The following C16orf96 variants were observed in gnomAD, a reference collection of about 807,000 sequenced individuals.
The protein encoded by C16orf96 is uncharacterized protein C16orf96.
In C16orf96, 108 loss-of-function variants were observed where a neutral mutation model predicts 103.6. The ratio of observed to expected loss-of-function variants is 1.04; its 90% CI spans 0.89 to 1.22. C16orf96 has a LOEUF of 1.22. C16orf96 is among the 50% of genes most tolerant of loss of function. The pLI, the probability that C16orf96 is intolerant of heterozygous loss-of-function variation, is 0.00. For missense variants in C16orf96, 1,586 were observed against 1,464.2 expected (o/e 1.08, Z -1.36); for synonymous variants, 566 against 593.5 (o/e 0.95, Z 0.67).
the C16orf96 span, among the ~76,000 whole-genome samples, chr16:4,544,295 C>T: frequency 2.8e-3 from 430 of 152,274 alleles, 6 homozygotes; most frequent in African/African-American, 9.8e-3. Context: ...CACCACTTCA[C>T]GGCCCTCTCC....
intron 9 of C16orf96, among the ~76,000 whole-genome samples, chr16:4,590,331 G>T (rs1400977297): frequency 1.3e-5 from 2 of 151,876 alleles, no homozygotes; most frequent in East Asian, 1.9e-4. Flanking sequence ...GGCAGAGATG[G>T]GTGGATCACT....
At chr16:4,573,166 G>C (rs180850757) in intron 2 of C16orf96, among the ~76,000 whole-genome samples, 9 of 152,182 alleles carry the variant, frequency 5.9e-5, no homozygotes, top group African/African-American at 1.9e-4. Context: ...GGCGGGGCCT[G>C]GTGTCTCACG....
rs558135189 is a variant in C16orf96, at chr16:4,574,930, C to T, written c.607-42C>T. On this transcript the variant is annotated intron_variant, in intron 3 of 15. Coordinates refer to ENST00000444310, the MANE Select transcript of C16orf96 (RefSeq NM_001145011.2). The stretch of plus-strand genomic sequence containing the variant: ...TTTGCAGGTGTGGGGGACACTGCCC[C>T]CTCCAGGCTCACAGCCCTCATTTTC... 4.7e-5 allele frequency: 72 copies of T among 1,540,380 alleles called. No individual in the cohort carries two copies. The South Asian group carries it at 7.5e-4, about 16-fold the overall frequency.
intron 1 of C16orf96, among the ~76,000 whole-genome samples, chr16:4,566,374 G>C (rs140594985): frequency 2.0e-5 from 3 of 152,284 alleles, no homozygotes; most frequent in South Asian, 2.1e-4. Flanking sequence ...CCATCCTACA[G>C]AGTTTGAAGT....
chr16:4,600,013 T>C (rs1897249969), intron 15 of C16orf96, 87 bp from the exon 16 acceptor site: 1 of 1,306,652 alleles, frequency 7.7e-7, no homozygotes, highest in African/African-American at 1.5e-5. Flanking sequence ...GGGCTTCTCT[T>C]CTCTTTAGTG....
At chr16:4,560,321 C>T (rs779419735) in intron 1 of C16orf96, 2 of 152,206 alleles carry the variant, frequency 1.3e-5, no homozygotes, top group Non-Finnish European at 2.9e-5. Flanking sequence ...TCTGCCTCAG[C>T]CTCCCAAGTA....
chr16:4,580,313 C>A (rs559151293), intron 7 of C16orf96, among the ~76,000 whole-genome samples, 188 bp downstream of exon 7: 15 of 122,968 alleles, frequency 1.2e-4, no homozygotes, highest in East Asian at 1.0e-3. Context: ...TCCCACCACC[C>A]CCCCCCACCC....
chr16:4,566,255 A>G (rs1179834529), intron 1 of C16orf96, among the ~76,000 whole-genome samples: 1 of 152,224 alleles, frequency 6.6e-6, no homozygotes, highest in Non-Finnish European at 1.5e-5. Context: ...AGGAACTGCC[A>G]CACTGACTTC....
chr16:4,582,423 C>T (rs990102057), intron 7 of C16orf96, among the ~76,000 whole-genome samples: 26 of 152,106 alleles, frequency 1.7e-4, no homozygotes, highest in Non-Finnish European at 3.4e-4. Context: ...CCAAGGAAAC[C>T]CATGGCGTAT....
At position 4,556,610 on chromosome 16, in the gene C16orf96, G is replaced by C. The variant is rs376310528; in HGVS notation, c.121G>C (p.Glu41Gln). 6.4e-7 allele frequency: 1 copy of C among 1,551,686 alleles called. No individual in the cohort carries two copies. The highest frequency in any genetic ancestry group is 8.7e-7 in the Non-Finnish European group (1 of 1,147,004). The change falls in exon 1 of 16, where the codon GAG (glutamate) becomes CAG (glutamine). Residue 41 changes from glutamate (E) to glutamine (Q), a missense_variant. Transcript: ENST00000444310. ...CATCTTGGAGCACATCCACATGGCC[G>C]AGCTCAAGAAAGTCCTCTCAGGCGA... ...HGILEHIHMA[E>Q]LKKVLSGDED... is the part of the protein sequence containing the mutation.
At chr16:4,578,101 C>G (rs1236660847) in intron 5 of C16orf96, among the ~76,000 whole-genome samples, 2 of 152,080 alleles carry the variant, frequency 1.3e-5, no homozygotes, top group African/African-American at 2.4e-5. Context: ...CAGAGTGAGA[C>G]CTTGTCTCCA....
intron 8 of C16orf96, among the ~76,000 whole-genome samples, chr16:4,587,544 A>G (rs1326682214): frequency 6.6e-6 from 1 of 150,452 alleles, no homozygotes; most frequent in African/African-American, 2.4e-5. Context: ...AAAAAAAAAA[A>G]AAAAGAAAGA....
At chr16:4,575,082 T>C in intron 4 of C16orf96, 24 bp downstream of exon 4, 2 of 1,550,862 alleles carry the variant, frequency 1.3e-6, no homozygotes, top group Non-Finnish European at 1.7e-6. Context: ...GAAGGGGAGG[T>C]TAGCAGGAAG....
chr16:4,599,102 G>GAAA (rs60960622), intron 14 of C16orf96, among the ~76,000 whole-genome samples, 182 bp from the exon 15 acceptor site: 1 of 106,430 alleles, frequency 9.4e-6, no homozygotes, highest in Non-Finnish European at 2.0e-5. Flanking sequence ...CCTGCCTCAA[G>GAAA]AAAAAAAAAA....
chr16:4,539,831 A>T, the C16orf96 span, among the ~76,000 whole-genome samples: 1 of 152,170 alleles, frequency 6.6e-6, no homozygotes, highest in Non-Finnish European at 1.5e-5. Flanking sequence ...CTGACCCTGC[A>T]GTCTGATGCA....
At chr16:4,577,959 A>C (rs1447503312) in intron 5 of C16orf96, among the ~76,000 whole-genome samples, 3 of 152,018 alleles carry the variant, frequency 2.0e-5, no homozygotes, top group Admixed American at 1.3e-4. Flanking sequence ...CAAAACAAAA[A>C]AAAAAGCCTG....
chr16:4,550,609 T>C, the C16orf96 span, among the ~76,000 whole-genome samples: 2 of 152,108 alleles, frequency 1.3e-5, no homozygotes, highest in Non-Finnish European at 2.9e-5. Context: ...TCTCCTCACC[T>C]CCCTTCATCT....
chr16:4,575,206 G>A lies in C16orf96; in HGVS notation c.726G>A (p.Gln242=). The A allele has an allele frequency of 6.5e-7, 1 of 1,547,180 alleles. No individual in the cohort carries two copies. Among genetic ancestry groups the A allele is most frequent in the Non-Finnish European group, 8.7e-7 (1 of 1,146,938 alleles). The change falls in exon 5 of 16, where the codon CAG becomes CAA. Residue 242 remains glutamine (Q), a synonymous_variant. Coordinates refer to ENST00000444310, the MANE Select transcript of C16orf96 (RefSeq NM_001145011.2). ...EIGSSPLDLW[Q]SVEQLPEAAL... ...GTTCATCACCACTGGACCTGTGGCAGTCTGTAGAGCAGCTCCCAGAGGCTG... is the reference window on the plus strand; with the variant it reads ...GTTCATCACCACTGGACCTGTGGCAATCTGTAGAGCAGCTCCCAGAGGCTG...
intron 2 of C16orf96, among the ~76,000 whole-genome samples, chr16:4,573,863 T>A (rs529310069): frequency 3.3e-5 from 5 of 152,092 alleles, no homozygotes; most frequent in Non-Finnish European, 5.9e-5. Flanking sequence ...AGACGGAGTC[T>A]CTCTCTGTCA....
Sources: allele counts gnomAD v4.1 joint callset (sites outside exome capture counted in the v4.1 genomes callset), GRCh38; gene constraint gnomAD v4.1.1; transcripts MANE v1.5; gene names NCBI Gene and HGNC (gene_info 2026-07-23, HGNC 2026-07-21).